Variants in ATXN7L1 observed in about 807,000 individuals in gnomAD.
ATXN7L1 encodes ataxin 7 like 1.
In ATXN7L1, 15 loss-of-function variants were observed where a neutral mutation model predicts 70.8. The observed-to-expected ratio is 0.21, with a 90% CI of 0.14 to 0.33. The LOEUF (loss-of-function observed/expected upper bound fraction) is 0.33, where lower values mean the gene tolerates loss of function less well. ATXN7L1 is among the 10% of genes least tolerant of loss of function. The pLI, the probability that ATXN7L1 is intolerant of heterozygous loss-of-function variation, is 1.00. For synonymous variants in ATXN7L1, 440 were observed against 445.1 expected, an observed-to-expected ratio of 0.99 and a Z score of 0.14; for missense variants, 975 against 1,097.1, an observed-to-expected ratio of 0.89 and a Z score of 1.57.
chr7:105,863,046 C>T (rs1013115905), intron 2 of ATXN7L1, among the ~76,000 whole-genome samples: 6 of 152,180 alleles, frequency 3.9e-5, no homozygotes, highest in Admixed American at 6.5e-5. Flanking sequence ...GAGTGATCTC[C>T]GCTCCATCAT....
rs1475200751 is a variant in ATXN7L1, at chr7:105,788,584, C to CG, written c.355+19dup. ...GGGCGGCAGCTGCAGATGTGGCCGA[C>CG]GGTGCAGGGGTCCACTTACCGCAGT... On this transcript the variant is annotated intron_variant, in intron 3 of 11. Transcript: ENST00000419735. 5.7e-6 allele frequency: 9 copies of CG among 1,580,048 alleles called. No homozygotes were observed. The highest frequency in any genetic ancestry group is 7.8e-6 in the Non-Finnish European group (9 of 1,149,258).
At chr7:105,813,299 G>A (rs2012691) in intron 2 of ATXN7L1, among the ~76,000 whole-genome samples, 40,936 of 149,894 alleles carry the variant, frequency 0.27, 5,713 homozygotes, top group South Asian at 0.41. Flanking sequence ...GGCTCCTGGT[G>A]TTCACTACCT....
At chr7:105,814,279 C>T (rs1808865383) in intron 2 of ATXN7L1, among the ~76,000 whole-genome samples, 1 of 152,186 alleles carries the variant, frequency 6.6e-6, no homozygotes, top group East Asian at 1.9e-4. Flanking sequence ...ATCCTCACTC[C>T]AGTGAGCTTC....
At chr7:105,859,561 T>A (rs1479951574) in intron 2 of ATXN7L1, among the ~76,000 whole-genome samples, 1 of 152,156 alleles carries the variant, frequency 6.6e-6, no homozygotes, top group African/African-American at 2.4e-5. Context: ...CTTACCATTG[T>A]GTTACAACAA....
chr7:105,618,113 A>AT (rs1333767609), intron 9 of ATXN7L1: 1 of 455,848 alleles, frequency 2.2e-6, no homozygotes, highest in Non-Finnish European at 4.4e-6. Context: ...GAGGAAAGGA[A>AT]TATGGAGCTT....
chr7:105,679,449 C>A (rs1805239659), intron 3 of ATXN7L1, among the ~76,000 whole-genome samples: 1 of 152,230 alleles, frequency 6.6e-6, no homozygotes, highest in Non-Finnish European at 1.5e-5. Flanking sequence ...GGCCTTCCCA[C>A]TCCCTCTTCG....
intron 3 of ATXN7L1, among the ~76,000 whole-genome samples, chr7:105,778,201 T>C (rs1047776289): frequency 2.0e-5 from 3 of 152,100 alleles, no homozygotes; most frequent in East Asian, 3.9e-4. Flanking sequence ...AAGTAGAAGA[T>C]TGTTTCAATT....
At chr7:105,726,067 A>C (rs1795783968) in intron 3 of ATXN7L1, among the ~76,000 whole-genome samples, 1 of 150,086 alleles carries the variant, frequency 6.7e-6, no homozygotes, top group Admixed American at 6.6e-5. Context: ...ACACCCAGCT[A>C]ATTTTTGTAT....
intron 2 of ATXN7L1, among the ~76,000 whole-genome samples, chr7:105,847,636 G>A (rs181948267): frequency 7.0e-4 from 106 of 152,308 alleles, no homozygotes; most frequent in African/African-American, 2.4e-3. Flanking sequence ...TGGTAGAGAT[G>A]AACAGATCCA....
intron 3 of ATXN7L1, among the ~76,000 whole-genome samples, chr7:105,666,255 A>G (rs1469469755): frequency 6.6e-6 from 1 of 152,184 alleles, no homozygotes; most frequent in African/African-American, 2.4e-5. Flanking sequence ...GCTTCCTGAA[A>G]CCCTAAGTCC....
At chr7:105,659,029 C>CAGG (rs1286910623) in intron 4 of ATXN7L1, among the ~76,000 whole-genome samples, 3 of 152,098 alleles carry the variant, frequency 2.0e-5, no homozygotes, top group African/African-American at 7.2e-5. Flanking sequence ...CCCAGCTACT[C>CAGG]AGGAGGATGA....
intron 2 of ATXN7L1, among the ~76,000 whole-genome samples, chr7:105,819,273 A>G (rs1173674347): frequency 6.6e-6 from 1 of 152,138 alleles, no homozygotes; most frequent in African/African-American, 2.4e-5. Flanking sequence ...CACAAATGGC[A>G]TCTTGGTAAC....
chr7:105,829,369 G>C lies in ATXN7L1; in HGVS notation c.251-40661C>G, dbSNP rs1811291809. On this transcript the variant is annotated intron_variant, in intron 2 of 11. Coordinates refer to ENST00000419735, the MANE Select transcript of ATXN7L1 (RefSeq NM_020725.2). ...GAGGCAGGAGAATCACTTGAACCTG[G>C]GAAGTGGAGGTTGCAATGAGCCGAG... Among the ~76,000 whole-genome samples the C allele has an allele frequency of 2.6e-5, 4 of 152,178 alleles. No homozygotes were observed. In the South Asian group the frequency reaches 6.2e-4, roughly 24 times the overall value.
At chr7:105,695,474 G>A (rs1016151661) in intron 3 of ATXN7L1, among the ~76,000 whole-genome samples, 10 of 152,228 alleles carry the variant, frequency 6.6e-5, no homozygotes, top group Middle Eastern at 6.8e-3. Flanking sequence ...GAAAACAATC[G>A]TCTTGATCCA....
chr7:105,729,373 C>A lies in ATXN7L1; in HGVS notation c.355+59231G>T, dbSNP rs192782101. Among the ~76,000 whole-genome samples, 260 of 150,120 alleles carry A rather than the reference C, an allele frequency of 1.7e-3. 1 individual carries two copies. The highest frequency in any genetic ancestry group is 6.1e-3 in the African/African-American group (252 of 41,060). Reference sequence around the variant, plus strand: ...TACAAATTTTCCTTGCAGAAAAATTCCAAATAATATATACAGACATTCCAT... The same window carrying A: ...TACAAATTTTCCTTGCAGAAAAATTACAAATAATATATACAGACATTCCAT... On this transcript the variant is annotated intron_variant, in intron 3 of 11. Coordinates refer to ENST00000419735, the MANE Select transcript of ATXN7L1 (RefSeq NM_020725.2).
chr7:105,673,073 C>T (rs75396646), intron 3 of ATXN7L1, among the ~76,000 whole-genome samples: 9,742 of 152,252 alleles, frequency 0.064, 390 homozygotes, highest in East Asian at 0.089. Context: ...TTGCAGACAC[C>T]AGCTGTCAGC....
At chr7:105,628,113 G>T (rs1192088755) in intron 7 of ATXN7L1, among the ~76,000 whole-genome samples, 2 of 152,078 alleles carry the variant, frequency 1.3e-5, no homozygotes, top group Non-Finnish European at 2.9e-5. Flanking sequence ...AAAGTGTTGG[G>T]ATTACAGGTG....
rs1170997616 is a variant in ATXN7L1 at position 105,665,222 on chromosome 7, G to A, written c.422C>T (p.Thr141Ile). The A allele has an allele frequency of 7.1e-6, 11 of 1,551,564 alleles. No homozygotes were observed. Among genetic ancestry groups the A allele is most frequent in the Admixed American group, 2.0e-5 (1 of 50,984 alleles). ...TTTTGTTTTCACCTGTACTAGTGAT[G>A]TCCTGGGATTGGAGGCTGGAGACAC... ...SPVSPASNPR[T>I]SLVQVKTKAC... The change falls in exon 4 of 12, where the codon ACA becomes ATA. Residue 141 changes from threonine (T) to isoleucine (I), a missense_variant. Thr to Ile is a moderately conservative substitution (Grantham distance 89). Transcript: ENST00000419735.
At chr7:105,691,571 G>T (rs1790840072) in intron 3 of ATXN7L1, 1 of 150,712 alleles carries the variant, frequency 6.6e-6, no homozygotes, top group African/African-American at 2.4e-5. Flanking sequence ...GAGAGACTCA[G>T]GCTGCCAACT....
Sources: gnomAD v4.1 joint callset for allele counts (sites outside exome capture counted in the v4.1 genomes callset) on GRCh38, gnomAD v4.1.1 for gene constraint, MANE v1.5 for transcripts, NCBI Gene and HGNC (gene_info 2026-07-23, HGNC 2026-07-21) for gene names.